The following CEP83 variants were observed in gnomAD, a reference collection of about 807,000 sequenced individuals.
CEP83 encodes the protein centrosomal protein 83.
A neutral mutation model predicts 101.9 loss-of-function variants in CEP83; 70 were observed. That is an observed-to-expected ratio of 0.69 (90% confidence interval 0.57 to 0.84). The LOEUF is 0.84. CEP83 is among the 40% of genes least tolerant of loss of function. CEP83 has a pLI of 0.00. For missense variants in CEP83, 715 were observed against 787.2 expected (o/e 0.91, Z 1.10); for synonymous variants, 264 against 267.9 (o/e 0.99, Z 0.14).
At chr12:94,398,034 C>T (rs964294034) in intron 6 of CEP83, among the ~76,000 whole-genome samples, 10 of 152,062 alleles carry the variant, frequency 6.6e-5, no homozygotes, top group South Asian at 2.1e-4. Context: ...ATATAGAATA[C>T]GAGTGGTGGA....
At chr12:94,426,037 G>T (rs1159711809) in intron 2 of CEP83, among the ~76,000 whole-genome samples, 1 of 151,836 alleles carries the variant, frequency 6.6e-6, no homozygotes, top group Non-Finnish European at 1.5e-5. Context: ...CAGGAGAATG[G>T]TGTGAACCTG....
intron 1 of CEP83, among the ~76,000 whole-genome samples, chr12:94,442,378 G>A (rs117061200): frequency 3.3e-5 from 5 of 151,704 alleles, no homozygotes; most frequent in Admixed American, 6.6e-5. Context: ...AAGGAGGGAG[G>A]GGGGTGAGGG....
intron 13 of CEP83, among the ~76,000 whole-genome samples, chr12:94,333,105 T>C (rs2059305001): frequency 6.6e-6 from 1 of 150,684 alleles, no homozygotes; most frequent in Non-Finnish European, 1.5e-5. Flanking sequence ...AAGATAGTTC[T>C]AATTCAAGGA....
intron 11 of CEP83, among the ~76,000 whole-genome samples, chr12:94,349,677 G>C (rs758139278): frequency 2.0e-5 from 3 of 152,200 alleles, no homozygotes; most frequent in Non-Finnish European, 4.4e-5. Context: ...GCAATGGTGA[G>C]AGACTGAAAT....
the CEP83 span, among the ~76,000 whole-genome samples, chr12:94,270,427 A>G: frequency 6.6e-6 from 1 of 152,212 alleles, no homozygotes; most frequent in Non-Finnish European, 1.5e-5. Flanking sequence ...CCTTTAATCT[A>G]GAGCTTGACA....
chr12:94,415,192 GAA>G (rs1417309401), intron 2 of CEP83, among the ~76,000 whole-genome samples: 1 of 151,960 alleles, frequency 6.6e-6, no homozygotes, highest in Non-Finnish European at 1.5e-5. Context: ...TTTTTGGTAA[GAA>G]AAGAGAATGA....
intron 4 of CEP83, among the ~76,000 whole-genome samples, chr12:94,409,284 G>A (rs1322313999): frequency 6.6e-6 from 1 of 151,834 alleles, no homozygotes. Context: ...AACTAGATAT[G>A]TTTATCTTAA....
the CEP83 span, chr12:94,297,284 C>T: frequency 5.0e-6 from 8 of 1,612,762 alleles, no homozygotes; most frequent in East Asian, 1.6e-4. Flanking sequence ...GAGTGGTCTC[C>T]TTGGGTAACG....
At chr12:94,335,876 G>A (rs2059426739) in intron 11 of CEP83, 4 of 499,006 alleles carry the variant, frequency 8.0e-6, no homozygotes, top group Non-Finnish European at 1.4e-5. Flanking sequence ...CAAACTAGGG[G>A]CATAGAGAGG....
At chr12:94,455,246 T>C (rs2067578832) in intron 1 of CEP83, among the ~76,000 whole-genome samples, 1 of 152,210 alleles carries the variant, frequency 6.6e-6, no homozygotes, top group African/African-American at 2.4e-5. Context: ...TTTAACAATA[T>C]CTGAAATAGC....
chr12:94,288,331 C>T, the CEP83 span, among the ~76,000 whole-genome samples: 1 of 152,184 alleles, frequency 6.6e-6, no homozygotes, highest in African/African-American at 2.4e-5. Flanking sequence ...GGCATCTGGG[C>T]TCTGACAACT....
chr12:94,406,703 C>T (rs536994633), intron 4 of CEP83, among the ~76,000 whole-genome samples: 4 of 152,102 alleles, frequency 2.6e-5, no homozygotes, highest in African/African-American at 7.2e-5. Context: ...AGGCAGATCA[C>T]GAGCTCAGGA....
chr12:94,338,115 G>A (rs190315292), intron 11 of CEP83, among the ~76,000 whole-genome samples: 16 of 152,252 alleles, frequency 1.1e-4, no homozygotes, highest in Admixed American at 9.1e-4. Context: ...TCTAGGTGAC[G>A]ACAAGGTCCA....
the CEP83 span, among the ~76,000 whole-genome samples, chr12:94,285,070 G>A: frequency 6.6e-6 from 1 of 151,910 alleles, no homozygotes; most frequent in East Asian, 1.9e-4. Context: ...CACAAGTCAC[G>A]TGGATGGGAG....
At chr12:94,349,470 C>G (rs2060103982) in intron 11 of CEP83, among the ~76,000 whole-genome samples, 1 of 152,086 alleles carries the variant, frequency 6.6e-6, no homozygotes, top group African/African-American at 2.4e-5. Flanking sequence ...ACCACAATTA[C>G]TTTTGCACCA....
chr12:94,421,207 T>G (rs2064716992), intron 2 of CEP83, among the ~76,000 whole-genome samples: 1 of 152,002 alleles, frequency 6.6e-6, no homozygotes, highest in African/African-American at 2.4e-5. Flanking sequence ...TTTTTAAATT[T>G]TTTTTATTTA....
chr12:94,321,871 TAGA>T (rs1565906854), intron 14 of CEP83, among the ~76,000 whole-genome samples: 13 of 151,610 alleles, frequency 8.6e-5, no homozygotes, highest in African/African-American at 3.2e-4. Context: ...TGAGGAGATA[TAGA>T]ATCAAGGACC....
the CEP83 span, among the ~76,000 whole-genome samples, chr12:94,299,520 C>CA: frequency 6.6e-6 from 1 of 152,094 alleles, no homozygotes; most frequent in Non-Finnish European, 1.5e-5. Flanking sequence ...AGGCCTATCC[C>CA]AATTCTCTAC....
intron 1 of CEP83, among the ~76,000 whole-genome samples, chr12:94,446,343 A>T (rs2066799536): frequency 6.6e-6 from 1 of 152,154 alleles, no homozygotes; most frequent in Non-Finnish European, 1.5e-5. Flanking sequence ...TGTTTTTATC[A>T]ATTAGTCTAG....
Sources: allele counts gnomAD v4.1 joint callset (sites outside exome capture counted in the v4.1 genomes callset), GRCh38; gene constraint gnomAD v4.1.1; transcripts MANE v1.5; gene names NCBI Gene and HGNC (gene_info 2026-07-23, HGNC 2026-07-21).